The following SLC25A42 variants were observed in gnomAD, a reference collection of about 807,000 sequenced individuals.
SLC25A42 encodes mitochondrial coenzyme A transporter SLC25A42.
SLC25A42 carries 19 observed loss-of-function variants against 34.7 expected under a neutral mutation model. The observed-to-expected ratio is 0.55, with a 90% confidence interval of 0.38 to 0.80. The LOEUF (loss-of-function observed/expected upper bound fraction) is 0.80, where lower values mean the gene tolerates loss of function less well. Ranked by LOEUF, SLC25A42 falls within the 30% of genes least tolerant of loss-of-function variation. The probability of loss-of-function intolerance (pLI) is 0.00; values close to 1 mark genes in which losing one functional copy is unlikely to be tolerated. For missense variants in SLC25A42, 364 were observed against 441.3 expected (o/e 0.82, Z 1.57); for synonymous variants, 205 against 191.2 (o/e 1.07, Z -0.59).
At chr19:19,083,189 A>G (rs1225115581) in intron 1 of SLC25A42, among the ~76,000 whole-genome samples, 3 of 151,930 alleles carry the variant, frequency 2.0e-5, no homozygotes, top group South Asian at 4.2e-4. Flanking sequence ...CCCTCAAGTG[A>G]TCTTCCCACC....
rs1568527860 is a variant in SLC25A42, at chr19:19,111,279, T to A, written c.*403T>A. ...GCCAGACCGCGCCTGGACCTTCTTG[T>A]TCTGACTCCACGTGCCTGCCCGGCC... On this transcript the variant is annotated 3_prime_UTR_variant, in exon 8 of 8. Transcript: ENST00000318596. The A allele has an allele frequency of 4.7e-6, 1 of 212,604 alleles. No individual in the cohort carries two copies. The allele number at this position is 212,604 out of a possible 1,614,324, so 13.2% of individuals were successfully genotyped here. A position where few individuals can be genotyped will look rare whatever the true frequency, so the allele number is the denominator to read the frequency against.
At chr19:19,101,612 C>T (rs1031211885) in intron 2 of SLC25A42, among the ~76,000 whole-genome samples, 169 bp from the exon 3 acceptor site, 13 of 152,218 alleles carry the variant, frequency 8.5e-5, no homozygotes, top group Admixed American at 6.5e-5. Flanking sequence ...GGCTCTGTGG[C>T]CTGTGGACCC....
rs542203982 is a variant in SLC25A42, at chr19:19,096,085, C to T, written c.-34-6C>T. The T allele has an allele frequency of 4.4e-6, 7 of 1,579,756 alleles. No homozygotes were observed. The highest frequency in any genetic ancestry group is 1.3e-5 in the African/African-American group (1 of 74,168). ...CGTATCTTACCACCTCCCCTTACCC[C>T]CCCAGGACCGAGTCTCCTGCCATTC... On this transcript the variant is annotated splice_region_variant and splice_polypyrimidine_tract_variant and intron_variant, in intron 1 of 7. Coordinates refer to ENST00000318596, the MANE Select transcript of SLC25A42 (RefSeq NM_178526.5).
At chr19:19,084,126 C>T (rs1333860626) in intron 1 of SLC25A42, among the ~76,000 whole-genome samples, 2 of 152,160 alleles carry the variant, frequency 1.3e-5, no homozygotes, top group African/African-American at 2.4e-5. Flanking sequence ...CCATACCCCA[C>T]CACCGCAACA....
At chr19:19,097,524 G>A (rs1568519320) in intron 2 of SLC25A42, among the ~76,000 whole-genome samples, 1 of 152,226 alleles carries the variant, frequency 6.6e-6, no homozygotes, top group Admixed American at 6.5e-5. Context: ...GCAGAAATGC[G>A]CCAGTGCTGG....
At chr19:19,080,692 G>T (rs1269372977) in intron 1 of SLC25A42, among the ~76,000 whole-genome samples, 1 of 152,112 alleles carries the variant, frequency 6.6e-6, no homozygotes, top group Non-Finnish European at 1.5e-5. Context: ...GGAGGCCAAG[G>T]TGGGCAGATT....
intron 1 of SLC25A42, among the ~76,000 whole-genome samples, chr19:19,084,581 G>A (rs149999155): frequency 2.0e-5 from 3 of 152,314 alleles, no homozygotes; most frequent in Non-Finnish European, 2.9e-5. Context: ...CCTATCCATC[G>A]ATGCTCCCCT....
At chr19:19,104,777 C>A in intron 3 of SLC25A42, 136 bp from the exon 4 acceptor site, 1 of 960,416 alleles carries the variant, frequency 1.0e-6, no homozygotes. Context: ...TGGGTGTCAG[C>A]TCAGCTCCCA....
Position 19,072,229 on chromosome 19 carries a change from C to T in SLC25A42, c.-35+8114C>T, listed in dbSNP as rs75500201. 3.9e-3 allele frequency among the ~76,000 whole-genome samples: 588 copies of T among 152,318 alleles called. 3 individuals are homozygous for T. Among genetic ancestry groups the T allele is most frequent in the African/African-American group, 0.013 (559 of 41,574 alleles). Reference sequence around the variant, plus strand: ...AAAAGCATACTCAATAGGCCGGGGCCGTGTTAAATGGGATTTGCCCCAGCC... The same window carrying T: ...AAAAGCATACTCAATAGGCCGGGGCTGTGTTAAATGGGATTTGCCCCAGCC... On this transcript the variant is annotated intron_variant, in intron 1 of 7. Coordinates refer to ENST00000318596, the MANE Select transcript of SLC25A42 (RefSeq NM_178526.5).
rs1348481016 is a variant in SLC25A42, at chr19:19,105,769, C to T, written c.380+42C>T. On this transcript the variant is annotated intron_variant, in intron 5 of 7. Transcript: ENST00000318596. ...CCCTGCCACAGAATCGCCCCGCCCA[C>T]GCCCGCCCCTCTCTCTTTCTTCTGC... The T allele has an allele frequency of 7.5e-6, 11 of 1,461,504 alleles. No individual in the cohort carries two copies. The South Asian group carries it at 8.0e-5, about 11-fold the overall frequency. 90.5% of individuals were successfully genotyped at this position (1,461,504 alleles called of 1,614,324 possible).
At chr19:19,100,758 T>G (rs1360350370) in intron 2 of SLC25A42, among the ~76,000 whole-genome samples, 1 of 151,986 alleles carries the variant, frequency 6.6e-6, no homozygotes, top group Non-Finnish European at 1.5e-5. Flanking sequence ...ACAGGAAGGG[T>G]CTTGTACACA....
chr19:19,099,327 G>A (rs1298011802), intron 2 of SLC25A42, among the ~76,000 whole-genome samples: 1 of 152,188 alleles, frequency 6.6e-6, no homozygotes, highest in Non-Finnish European at 1.5e-5. Context: ...GGCTGGGCTG[G>A]TGGAGGGGAC....
chr19:19,101,979 T>A, intron 3 of SLC25A42, 93 bp downstream of exon 3: 1 of 761,754 alleles, frequency 1.3e-6, no homozygotes. Context: ...TTGGCTTTTA[T>A]TTTTAGATTT....
rs1306570641 is a variant in SLC25A42 at position 19,109,859 on chromosome 19, G to A, written c.650-710G>A. 4.6e-5 allele frequency among the ~76,000 whole-genome samples: 7 copies of A among 152,182 alleles called. No homozygotes were observed. Among genetic ancestry groups the A allele is most frequent in the African/African-American group, 1.7e-4 (7 of 41,442 alleles). On this transcript the variant is annotated intron_variant, in intron 7 of 7. Transcript: ENST00000318596. This position sits in a 1 kb window ranked among gnomAD's most constrained non-coding sequence, Gnocchi z 4.1. The stretch of plus-strand genomic sequence containing the variant: ...CGTTTAGACCCGCAAGACAGAGCAG[G>A]GTGAAGTTCATGGTCACTTATGTCC...
intron 1 of SLC25A42, among the ~76,000 whole-genome samples, chr19:19,074,580 A>G (rs1420546807): frequency 6.6e-6 from 1 of 152,174 alleles, no homozygotes; most frequent in African/African-American, 2.4e-5. Flanking sequence ...GGTGGTCCCC[A>G]CAAGGTAACA....
intron 2 of SLC25A42, 61 bp from the exon 3 acceptor site, chr19:19,101,720 C>A: frequency 6.8e-7 from 1 of 1,474,682 alleles, no homozygotes; most frequent in Non-Finnish European, 9.3e-7. Flanking sequence ...ACTTCTGGGG[C>A]AAGGTCCTCT....
At chr19:19,110,109 G>C (rs895632010) in intron 7 of SLC25A42, among the ~76,000 whole-genome samples, 12 of 152,176 alleles carry the variant, frequency 7.9e-5, no homozygotes, top group African/African-American at 2.4e-4. Flanking sequence ...CACTTTGGGA[G>C]GCCGAGGCAG....
At chr19:19,070,742 A>G (rs182380147) in intron 1 of SLC25A42, among the ~76,000 whole-genome samples, 2 of 152,270 alleles carry the variant, frequency 1.3e-5, no homozygotes, top group Admixed American at 1.3e-4. Context: ...GTGGACATGA[A>G]TTTGGGGGAT....
At chr19:19,093,221 G>T (rs776994644) in intron 1 of SLC25A42, among the ~76,000 whole-genome samples, 1 of 152,000 alleles carries the variant, frequency 6.6e-6, no homozygotes, top group Non-Finnish European at 1.5e-5. Flanking sequence ...TCACTATGTT[G>T]CCCAGGCTTG....
Sources: allele counts gnomAD v4.1 joint callset (sites outside exome capture counted in the v4.1 genomes callset), GRCh38; gene constraint gnomAD v4.1.1; non-coding constraint Gnocchi (gnomAD v3.1); transcripts MANE v1.5; gene names NCBI Gene and HGNC (gene_info 2026-07-23, HGNC 2026-07-21).